The following ALKBH1 variants were observed in gnomAD, a reference collection of about 807,000 sequenced individuals.
ALKBH1 encodes the protein alkB homolog 1, histone H2A dioxygenase, also known as nucleic acid dioxygenase ALKBH1.
ALKBH1 carries 31 observed loss-of-function variants against 36.6 expected under a neutral mutation model. The ratio of observed to expected loss-of-function variants is 0.85; its 90% CI spans 0.64 to 1.14. The LOEUF is 1.14. Among genes scored for constraint, ALKBH1 ranks in the 50% most tolerant of loss-of-function variants. The pLI, the probability that ALKBH1 is intolerant of heterozygous loss-of-function variation, is 0.00. For missense variants in ALKBH1, 490 were observed against 497.3 expected (o/e 0.99, Z 0.14); for synonymous variants, 183 against 186.6 (o/e 0.98, Z 0.16).
chr14:77,701,771 A>G (rs1283639944), intron 2 of ALKBH1, among the ~76,000 whole-genome samples: 1 of 152,208 alleles, frequency 6.6e-6, no homozygotes, highest in Non-Finnish European at 1.5e-5. Context: ...TAAAAAATAA[A>G]TAAATAAAAT....
intron 4 of ALKBH1, among the ~76,000 whole-genome samples, chr14:77,678,537 G>C (rs1413620544): frequency 9.5e-6 from 1 of 105,714 alleles, no homozygotes; most frequent in Non-Finnish European, 1.9e-5. Flanking sequence ...GACAGTGTAA[G>C]ACCATTACAA....
At position 77,674,041 on chromosome 14, in the gene ALKBH1, G is replaced by C; in HGVS notation, c.941C>G (p.Pro314Arg). Reference sequence around the variant, plus strand: ...ACAAGGCTCTACCATTGAATCTCTCGGGAGGACAGCAGGGAGAGGTGCCTC... The same window carrying C: ...ACAAGGCTCTACCATTGAATCTCTCCGGAGGACAGCAGGGAGAGGTGCCTC... ...CLEAPLPAVLPRDSMVEPCSM... is the reference protein window; with the variant it reads ...CLEAPLPAVLRRDSMVEPCSM... Residue 314 changes from proline (P) to arginine (R), a missense_variant, in exon 6 of 6, where the codon CCG becomes CGG. Physicochemically the swap from Pro to Arg is moderately radical, Grantham distance 103. Transcript: ENST00000216489. The C allele has an allele frequency of 9.3e-6, 15 of 1,614,156 alleles. No homozygotes were observed. Among genetic ancestry groups the C allele is most frequent in the Non-Finnish European group, 1.3e-5 (15 of 1,180,032 alleles).
chr14:77,681,851 A>G (rs1361349798), intron 3 of ALKBH1, among the ~76,000 whole-genome samples: 3 of 152,240 alleles, frequency 2.0e-5, no homozygotes, highest in Non-Finnish European at 4.4e-5. Context: ...TTCTTTGGTA[A>G]ACATTTCACA....
At chr14:77,683,798 C>T (rs1297969918) in intron 3 of ALKBH1, 1 of 185,364 alleles carries the variant, frequency 5.4e-6, no homozygotes, top group Non-Finnish European at 1.1e-5. Context: ...TCTTGAACTG[C>T]TGACCTCAGG....
At position 77,672,556 on chromosome 14, in the gene ALKBH1, T is replaced by C. The variant is rs1482502768; in HGVS notation, c.*1256A>G. 6.6e-6 allele frequency: 1 copy of C among 152,188 alleles called. No individual in the cohort carries two copies. Among genetic ancestry groups the C allele is most frequent in the Non-Finnish European group, 1.5e-5 (1 of 68,038 alleles). 9.4% of individuals were successfully genotyped at this position (152,188 alleles called of 1,614,324 possible). A position where few individuals can be genotyped will look rare whatever the true frequency, so the allele number is the denominator to read the frequency against. On this transcript the variant is annotated 3_prime_UTR_variant, in exon 6 of 6. Coordinates refer to ENST00000216489, the MANE Select transcript of ALKBH1 (RefSeq NM_006020.3). ...TGCATTGCAAACAGTAGGTACCAAA[T>C]GGGCTTCCAGCCAGTCCTCCACACA...
chr14:77,699,980 G>A (rs895252735), intron 2 of ALKBH1, among the ~76,000 whole-genome samples: 11 of 152,130 alleles, frequency 7.2e-5, no homozygotes, highest in East Asian at 3.9e-4. Context: ...GCATGAACCC[G>A]GGAGGTGGAG....
chr14:77,685,355 A>G (rs1312408655), intron 3 of ALKBH1, among the ~76,000 whole-genome samples: 4 of 151,370 alleles, frequency 2.6e-5, no homozygotes, highest in Non-Finnish European at 4.4e-5. Context: ...AGGTACAAGA[A>G]TCGCTTGAAC....
At chr14:77,704,715 G>A (rs991264579) in intron 1 of ALKBH1, among the ~76,000 whole-genome samples, 2 of 152,178 alleles carry the variant, frequency 1.3e-5, no homozygotes, top group African/African-American at 4.8e-5. Flanking sequence ...TGGGATTAGA[G>A]GTATATGCCA....
At chr14:77,683,341 G>C in intron 3 of ALKBH1, 1 of 739,410 alleles carries the variant, frequency 1.4e-6, no homozygotes, top group East Asian at 2.6e-5. Flanking sequence ...TTCTTTTTCT[G>C]ATCATTTTAC....
At chr14:77,685,456 A>C (rs766746195) in intron 3 of ALKBH1, among the ~76,000 whole-genome samples, 7 of 149,460 alleles carry the variant, frequency 4.7e-5, no homozygotes, top group Non-Finnish European at 1.0e-4. Flanking sequence ...CACAAAAAAA[A>C]ACAAGGACTC....
At chr14:77,703,587 G>A (rs562334744) in intron 2 of ALKBH1, among the ~76,000 whole-genome samples, 49 of 136,004 alleles carry the variant, frequency 3.6e-4, no homozygotes, top group African/African-American at 1.3e-3. Flanking sequence ...GAGCTACTGC[G>A]TCCAGCTTTT....
intron 5 of ALKBH1, 95 bp downstream of exon 5, chr14:77,675,561 T>C: frequency 8.7e-7 from 1 of 1,148,792 alleles, no homozygotes; most frequent in Non-Finnish European, 1.2e-6. Flanking sequence ...ACCACTTTTT[T>C]AAAGTTAAAT....
At chr14:77,705,310 CT>C (rs1285000535) in intron 1 of ALKBH1, among the ~76,000 whole-genome samples, 1 of 149,910 alleles carries the variant, frequency 6.7e-6, no homozygotes, top group Non-Finnish European at 1.5e-5. Context: ...CTACGAGAGG[CT>C]GGGGCACCAG....
chr14:77,706,090 C>CAT lies in ALKBH1; in HGVS notation c.184-1615_184-1614dup, dbSNP rs1193237064. Reference sequence around the variant, plus strand: ...AGTATATATATTATATATACACACACATATATACACACACACATATATATA... The same window carrying CAT: ...AGTATATATATTATATATACACACACATATATATACACACACACATATATATA... On this transcript the variant is annotated intron_variant, in intron 1 of 5. Coordinates refer to ENST00000216489, the MANE Select transcript of ALKBH1 (RefSeq NM_006020.3). 5.5e-5 allele frequency among the ~76,000 whole-genome samples: 7 copies of CAT among 127,320 alleles called. No individual in the cohort carries two copies. The East Asian group carries it at 1.1e-3, about 19-fold the overall frequency. The allele number at this position is 127,320 out of a possible 152,430, so 83.5% of individuals were successfully genotyped here.
intron 4 of ALKBH1, among the ~76,000 whole-genome samples, chr14:77,677,201 G>A (rs895242543): frequency 6.6e-6 from 1 of 152,034 alleles, no homozygotes; most frequent in Admixed American, 6.6e-5. Flanking sequence ...CACCATGCCT[G>A]GCTAATTTTT....
At chr14:77,687,735 A>G (rs1045818458) in intron 3 of ALKBH1, among the ~76,000 whole-genome samples, 6 of 151,832 alleles carry the variant, frequency 4.0e-5, no homozygotes, top group African/African-American at 1.5e-4. Flanking sequence ...TTTTCCTCAT[A>G]TCCTTCTGGC....
chr14:77,697,865 T>C (rs1333707178), intron 2 of ALKBH1, among the ~76,000 whole-genome samples: 1 of 151,736 alleles, frequency 6.6e-6, no homozygotes, highest in Non-Finnish European at 1.5e-5. Flanking sequence ...ATACAAAAAT[T>C]AGCCAGGCGT....
chr14:77,694,324 C>T (rs1328309893), intron 3 of ALKBH1, among the ~76,000 whole-genome samples: 3 of 152,158 alleles, frequency 2.0e-5, no homozygotes, highest in South Asian at 2.1e-4. Context: ...GAACAACTGA[C>T]CTATCATAAA....
chr14:77,685,677 G>A (rs777956324), intron 3 of ALKBH1, among the ~76,000 whole-genome samples: 2 of 151,738 alleles, frequency 1.3e-5, no homozygotes, highest in African/African-American at 2.4e-5. Flanking sequence ...TACTCGGGAG[G>A]CTGAGGCAGG....
Sources: allele counts gnomAD v4.1 joint callset (sites outside exome capture counted in the v4.1 genomes callset), GRCh38; gene constraint gnomAD v4.1.1; transcripts MANE v1.5; gene names NCBI Gene and HGNC (gene_info 2026-07-23, HGNC 2026-07-21).